LRRC59: variants seen among roughly 807,000 people sequenced by gnomAD.
The protein encoded by LRRC59 is leucine-rich repeat-containing protein 59.
Under a neutral mutation model 33.5 loss-of-function variants are expected in LRRC59, and 18 were observed. That is an observed-to-expected ratio of 0.54 (90% CI 0.37 to 0.80). The LOEUF is 0.80. Ranked by LOEUF, LRRC59 falls within the 30% of genes least tolerant of loss-of-function variation. The pLI, the probability that LRRC59 is intolerant of heterozygous loss-of-function variation, is 0.00. For missense variants in LRRC59, 330 were observed against 391.9 expected (o/e 0.84, Z 1.33); for synonymous variants, 138 against 160.0 (o/e 0.86, Z 1.04).
At chr17:50,384,419 C>A (rs143710457) in intron 6 of LRRC59, among the ~76,000 whole-genome samples, 1 of 152,108 alleles carries the variant, frequency 6.6e-6, no homozygotes, top group Admixed American at 6.5e-5. Context: ...CTTAGCCTCC[C>A]AAAGCACTGG....
At chr17:50,384,910 GTGGGCACTGGAGAAACAAACAAGC>G (rs1410731731) in intron 6 of LRRC59, among the ~76,000 whole-genome samples, 184 bp downstream of exon 6, 1 of 152,176 alleles carries the variant, frequency 6.6e-6, no homozygotes, top group Admixed American at 6.5e-5. Context: ...ACAGAAGTAT[GTGGGCACTGGAGAAACAAACAAGC>G]TGGGCACTGC....
intron 3 of LRRC59, 41 bp from the exon 4 acceptor site, chr17:50,392,543 G>A (rs780720846): frequency 2.9e-5 from 45 of 1,535,970 alleles, no homozygotes; most frequent in Non-Finnish European, 3.4e-5. Flanking sequence ...CATTAAGCCC[G>A]AGTTCACATA....
At chr17:50,386,762 C>T (rs370705561) in intron 5 of LRRC59, among the ~76,000 whole-genome samples, 75 of 152,336 alleles carry the variant, frequency 4.9e-4, no homozygotes, top group African/African-American at 1.8e-3. Flanking sequence ...GTACTGTACA[C>T]ATCCCTTCTT....
chr17:50,389,542 A>C (rs1914091671), intron 4 of LRRC59, among the ~76,000 whole-genome samples: 1 of 152,214 alleles, frequency 6.6e-6, no homozygotes, highest in Non-Finnish European at 1.5e-5. Flanking sequence ...CTGGCATTAT[A>C]TGTGCTCAGT....
At chr17:50,389,058 A>AT (rs1326745865) in intron 4 of LRRC59, among the ~76,000 whole-genome samples, 1 of 152,224 alleles carries the variant, frequency 6.6e-6, no homozygotes, top group Non-Finnish European at 1.5e-5. Flanking sequence ...TCATAGGGTG[A>AT]TTTGTCCACT....
intron 4 of LRRC59, among the ~76,000 whole-genome samples, chr17:50,391,937 G>A (rs1324135907): frequency 6.6e-6 from 1 of 152,238 alleles, no homozygotes; most frequent in Non-Finnish European, 1.5e-5. Context: ...GGTGGCTCAC[G>A]CCTATAATCC....
chr17:50,385,340 G>A (rs751262195), intron 5 of LRRC59, 49 bp from the exon 6 acceptor site: 2 of 1,582,688 alleles, frequency 1.3e-6, no homozygotes, highest in Admixed American at 3.4e-5. Context: ...AAACACTCCA[G>A]CAGTTTGCTT....
chr17:50,387,091 C>A (rs1914022093), intron 5 of LRRC59, among the ~76,000 whole-genome samples: 1 of 151,572 alleles, frequency 6.6e-6, no homozygotes, highest in African/African-American at 2.4e-5. Flanking sequence ...GCACTCCAGC[C>A]TGGGCAACAG....
At chr17:50,385,087 G>A (rs1913969844) in intron 6 of LRRC59, 31 bp downstream of exon 6, 5 of 1,607,544 alleles carry the variant, frequency 3.1e-6, no homozygotes, top group Non-Finnish European at 4.2e-6. Flanking sequence ...CTGTACCCCT[G>A]CTGGAATCTT....
At chr17:50,395,786 G>A (rs947794412) in intron 1 of LRRC59, among the ~76,000 whole-genome samples, 2 of 151,946 alleles carry the variant, frequency 1.3e-5, no homozygotes, top group Non-Finnish European at 2.9e-5. Flanking sequence ...GGTGGCACAC[G>A]CTTGTAATCC....
At chr17:50,397,178 A>G (rs751564578) in intron 1 of LRRC59, 35 bp downstream of exon 1, 5 of 1,480,994 alleles carry the variant, frequency 3.4e-6, no homozygotes, top group South Asian at 1.2e-5. Context: ...CGCCCGGCGA[A>G]GGTGGGCGCC....
In LRRC59 at chr17:50,383,231, A is replaced by G. The variant is rs1176599398; in HGVS notation, c.681T>C (p.Ser227=). The G allele has an allele frequency of 3.2e-6, 5 of 1,551,238 alleles. No individual in the cohort carries two copies. In the South Asian group the frequency reaches 5.9e-5, roughly 18 times the overall value. Residue 227 remains serine, a synonymous_variant, in exon 7 of 7, where the codon TCT becomes TCC. Transcript: ENST00000225972. ...GCTTGCGGGGACGGGAGCCAGACTT[A>G]GATTCTGGAGGAAAAGTAACAGTAG... ...PKKEANQAPK[S]KSGSRPRKPP...
chr17:50,395,356 C>A (rs1432775118), intron 1 of LRRC59, among the ~76,000 whole-genome samples: 417 of 126,822 alleles, frequency 3.3e-3, no homozygotes, highest in African/African-American at 3.5e-3. Context: ...GACCCCATCT[C>A]AAAAAAAAAA....
Position 50,382,146 on chromosome 17 carries a change from G to C in LRRC59, c.*842C>G, listed in dbSNP as rs1281057944. On this transcript the variant is annotated 3_prime_UTR_variant, in exon 7 of 7. Coordinates refer to ENST00000225972, the MANE Select transcript of LRRC59 (RefSeq NM_018509.4). ...CCATTTTATGGAAGCCACATAAGTT[G>C]GGCAGGACTCCACAGGAGCTGCCCG... The C allele has an allele frequency of 6.6e-6, 1 of 152,574 alleles. No individual in the cohort carries two copies. Among genetic ancestry groups the C allele is most frequent in the African/African-American group, 2.4e-5 (1 of 41,432 alleles). The allele number at this position is 152,574 out of a possible 1,614,324, so 9.5% of individuals were successfully genotyped here. A position where few individuals can be genotyped will look rare whatever the true frequency, so the allele number is the denominator to read the frequency against.
chr17:50,395,118 G>A (rs1218488199), intron 1 of LRRC59, 130 bp from the exon 2 acceptor site: 7 of 623,668 alleles, frequency 1.1e-5, no homozygotes, highest in African/African-American at 1.8e-5. Flanking sequence ...GCAGTAAAGA[G>A]TAATGTTCCT....
chr17:50,393,195 T>C (rs1486877018), intron 2 of LRRC59, among the ~76,000 whole-genome samples: 1 of 152,194 alleles, frequency 6.6e-6, no homozygotes, highest in Non-Finnish European at 1.5e-5. Flanking sequence ...CTGGCTCTAC[T>C]GTTAGCAGCC....
chr17:50,392,058 A>G (rs1184341849), intron 4 of LRRC59, among the ~76,000 whole-genome samples: 1 of 152,118 alleles, frequency 6.6e-6, no homozygotes, highest in Admixed American at 6.6e-5. Context: ...AAATTAGCTG[A>G]GCATGGTAGC....
rs1432940106 is a variant in LRRC59, at chr17:50,392,574, C to A, written c.325-72G>T. 2.0e-5 allele frequency: 29 copies of A among 1,478,408 alleles called. No individual in the cohort carries two copies. The South Asian group carries it at 2.6e-4, about 13-fold the overall frequency. The allele number at this position is 1,478,408 out of a possible 1,614,324, so 91.6% of individuals were successfully genotyped here. A position where few individuals can be genotyped will look rare whatever the true frequency, so the allele number is the denominator to read the frequency against. On this transcript the variant is annotated intron_variant, in intron 3 of 6. Transcript: ENST00000225972. ...ACATACATAGTCCCTCAGGGTGAAA[C>A]AAAATGAGCAGGAAGAATGCCCCTC...
At chr17:50,388,906 G>T (rs920122358) in intron 4 of LRRC59, among the ~76,000 whole-genome samples, 1 of 152,196 alleles carries the variant, frequency 6.6e-6, no homozygotes, top group African/African-American at 2.4e-5. Context: ...TAAGATGGCA[G>T]ATTCCTTAAT....
Sources: gnomAD v4.1 joint callset for allele counts (sites outside exome capture counted in the v4.1 genomes callset) on GRCh38, gnomAD v4.1.1 for gene constraint, MANE v1.5 for transcripts, NCBI Gene and HGNC (gene_info 2026-07-23, HGNC 2026-07-21) for gene names.